Variants in APBA2 observed in about 807,000 individuals in gnomAD.
APBA2 encodes amyloid beta precursor protein binding family A member 2, also known as amyloid-beta A4 precursor protein-binding family A member 2.
A neutral mutation model predicts 75.0 loss-of-function variants in APBA2; 30 were observed. The ratio of observed to expected loss-of-function variants is 0.40; its 90% confidence interval spans 0.30 to 0.54. APBA2 has a LOEUF of 0.54. Among genes scored for constraint, APBA2 ranks in the 20% least tolerant of loss-of-function variants. APBA2 has a pLI of 0.49. For missense variants in APBA2, 801 were observed against 1,016.1 expected (o/e 0.79, Z 2.88); for synonymous variants, 444 against 409.6 (o/e 1.08, Z -1.01).
In APBA2 at chr15:29,054,733, G is replaced by C. The variant is rs758923451; in HGVS notation, c.849G>C (p.Ser283=). ...GCAGGCACGAGGCGAGGCCCAAGTCGCTGAACCTCCTTCCCGAGGCCAAGC... is the reference window on the plus strand; with the variant it reads ...GCAGGCACGAGGCGAGGCCCAAGTCCCTGAACCTCCTTCCCGAGGCCAAGC... ...SPSRHEARPK[S]LNLLPEAKHP... The change falls in exon 4 of 15, where the codon TCG becomes TCC. Residue 283 remains serine, a synonymous_variant. Coordinates refer to ENST00000683413, the MANE Select transcript of APBA2 (RefSeq NM_001353788.2). This position sits in a 1 kb window ranked among gnomAD's most constrained non-coding sequence, Gnocchi z 6.1. The C allele has an allele frequency of 6.2e-7, 1 of 1,612,174 alleles. No individual in the cohort carries two copies. The highest frequency in any genetic ancestry group is 1.3e-5 in the African/African-American group (1 of 74,924).
chr15:28,925,136 A>G (rs147432415), intron 2 of APBA2, among the ~76,000 whole-genome samples: 1 of 152,312 alleles, frequency 6.6e-6, no homozygotes, highest in Non-Finnish European at 1.5e-5. Flanking sequence ...TGATCTGATC[A>G]TATGATTTTG....
At chr15:28,958,326 C>A (rs921050026) in intron 2 of APBA2, among the ~76,000 whole-genome samples, 15 of 152,232 alleles carry the variant, frequency 9.9e-5, no homozygotes, top group Admixed American at 1.3e-4. Context: ...AGACAGAAAC[C>A]ATTACTGGGC....
chr15:28,910,096 C>T (rs937070074), intron 1 of APBA2, among the ~76,000 whole-genome samples: 16 of 152,284 alleles, frequency 1.1e-4, no homozygotes, highest in African/African-American at 3.6e-4. Flanking sequence ...GAATTAAAAT[C>T]AGAAATAATG....
chr15:29,111,517 T>A (rs2152979760), intron 13 of APBA2, among the ~76,000 whole-genome samples: 1 of 152,256 alleles, frequency 6.6e-6, no homozygotes, highest in South Asian at 2.1e-4. Flanking sequence ...ATCTCCCCAG[T>A]GATCCAGAAA....
rs755413618 is a variant in APBA2 at position 29,113,933 on chromosome 15, C to T, written c.2095C>T (p.Arg699Cys). The T allele has an allele frequency of 4.3e-6, 7 of 1,613,366 alleles. No individual in the cohort carries two copies. The highest frequency in any genetic ancestry group is 1.7e-5 in the Admixed American group (1 of 59,998). Residue 699 changes from arginine to cysteine, a missense_variant, in exon 14 of 15, where the codon CGC (arginine) becomes TGC (cysteine). Coordinates refer to ENST00000683413, the MANE Select transcript of APBA2 (RefSeq NM_001353788.2). ...GCGAGGGGGCGTCCGTGTGGGCCAC[C>T]GCATCATCGAGATCAACGGGCAGAG... ...AERGGVRVGH[R>C]IIEINGQSVV...
intron 2 of APBA2, among the ~76,000 whole-genome samples, chr15:28,949,212 C>T (rs1026102195): frequency 1.3e-5 from 2 of 152,054 alleles, no homozygotes; most frequent in Admixed American, 6.5e-5. Context: ...TGAAACCTTC[C>T]GAAAAGCAAG....
intron 2 of APBA2, among the ~76,000 whole-genome samples, chr15:28,965,229 T>C (rs191880374): frequency 2.4e-4 from 36 of 152,346 alleles, no homozygotes; most frequent in Admixed American, 2.0e-3. Flanking sequence ...TTGAAAAGGC[T>C]GTCCCTCCTT....
At chr15:29,027,015 A>G (rs1210032459) in intron 3 of APBA2, among the ~76,000 whole-genome samples, 1 of 152,250 alleles carries the variant, frequency 6.6e-6, no homozygotes, top group Admixed American at 6.5e-5. Context: ...TAATGGTATG[A>G]TACATTCTCA....
intron 2 of APBA2, among the ~76,000 whole-genome samples, chr15:28,989,674 A>G (rs1006843406): frequency 2.6e-5 from 4 of 152,206 alleles, no homozygotes; most frequent in African/African-American, 9.6e-5. Context: ...CCTCACAGCA[A>G]AAATAGAAGC....
At chr15:28,986,381 C>T (rs1016353700) in intron 2 of APBA2, among the ~76,000 whole-genome samples, 5 of 152,216 alleles carry the variant, frequency 3.3e-5, no homozygotes, top group Non-Finnish European at 7.3e-5. Context: ...TTGAGTGTTG[C>T]AGTGGATGCC....
At position 29,053,912 on chromosome 15, in the gene APBA2, GGGAGCGGCATGTT is replaced by G; in HGVS notation, c.32_44del (p.Ser11ThrfsTer4). ...GGCCCACCGGAAGCTTGAGAGCGTGGGGAGCGGCATGTTGGACCATAGGGTGAGACCAGGTCCT... is the reference window on the plus strand; with the variant it reads ...GGCCCACCGGAAGCTTGAGAGCGTGGGGACCATAGGGTGAGACCAGGTCCT... On this transcript the variant is annotated frameshift_variant, in exon 4 of 15. Coordinates refer to ENST00000683413, the MANE Select transcript of APBA2 (RefSeq NM_001353788.2). LOFTEE classifies it high-confidence loss of function. 6.2e-7 allele frequency: 1 copy of G among 1,612,706 alleles called. No homozygotes were observed. The highest frequency in any genetic ancestry group is 8.5e-7 in the Non-Finnish European group (1 of 1,178,926).
At chr15:28,921,307 C>T (rs1381846729) in intron 1 of APBA2, among the ~76,000 whole-genome samples, 2 of 152,198 alleles carry the variant, frequency 1.3e-5, no homozygotes, top group Non-Finnish European at 2.9e-5. Context: ...AAAATGTACT[C>T]CCCACAAGCT....
intron 2 of APBA2, among the ~76,000 whole-genome samples, chr15:28,930,692 C>T (rs979082205): frequency 2.0e-5 from 3 of 152,134 alleles, no homozygotes; most frequent in Admixed American, 2.0e-4. Flanking sequence ...CTTCTGGGGT[C>T]CAGCAGATGT....
rs879402003 is a variant in APBA2 at position 28,918,863 on chromosome 15, ATT to A, written c.-204-2765_-204-2764del. On this transcript the variant is annotated intron_variant, in intron 1 of 14. Coordinates refer to ENST00000683413, the MANE Select transcript of APBA2 (RefSeq NM_001353788.2). This position sits in a 1 kb window ranked among gnomAD's most constrained non-coding sequence, Gnocchi z 4.2. ...TTGCCAGTTAATTGTGGGGATTATT[ATT>A]TTTTTTTTTTTGTAGACGGAGTCGC... 2.8e-5 allele frequency among the ~76,000 whole-genome samples: 4 copies of A among 143,762 alleles called. No homozygotes were observed. Among genetic ancestry groups the A allele is most frequent in the Non-Finnish European group, 1.5e-5 (1 of 65,210 alleles). 94.3% of individuals were successfully genotyped at this position (143,762 alleles called of 152,430 possible).
At chr15:29,085,464 G>T (rs1266794966) in intron 6 of APBA2, among the ~76,000 whole-genome samples, 1 of 148,644 alleles carries the variant, frequency 6.7e-6, no homozygotes, top group Non-Finnish European at 1.5e-5. Context: ...GGCGGAGCTT[G>T]CAGTGAGCCG....
chr15:29,105,633 T>C, intron 11 of APBA2, 75 bp downstream of exon 11: 2 of 1,542,060 alleles, frequency 1.3e-6, no homozygotes, highest in South Asian at 1.1e-5. Flanking sequence ...AGAGCGAGCC[T>C]TCCCGGGGTC....
intron 3 of APBA2, among the ~76,000 whole-genome samples, chr15:29,047,655 A>C (rs1282925637): frequency 6.6e-6 from 1 of 152,224 alleles, no homozygotes; most frequent in Admixed American, 6.5e-5. Flanking sequence ...TGTTAGTGCC[A>C]TTGTTAACTC....
intron 6 of APBA2, among the ~76,000 whole-genome samples, chr15:29,076,468 T>G (rs921414617): frequency 4.0e-5 from 6 of 151,298 alleles, no homozygotes; most frequent in African/African-American, 1.5e-4. Flanking sequence ...TTTTTTTAGA[T>G]CCTTTGTTTT....
intron 1 of APBA2, among the ~76,000 whole-genome samples, chr15:28,889,614 A>G (rs1357170386): frequency 6.6e-6 from 1 of 151,926 alleles, no homozygotes; most frequent in African/African-American, 2.4e-5. Context: ...CCCCATCCCC[A>G]CCTGTCATCT....
Sources: allele counts gnomAD v4.1 joint callset (sites outside exome capture counted in the v4.1 genomes callset), GRCh38; gene constraint gnomAD v4.1.1; non-coding constraint Gnocchi (gnomAD v3.1); transcripts MANE v1.5; gene names NCBI Gene and HGNC (gene_info 2026-07-23, HGNC 2026-07-21).